Variants in SLC24A3 observed in about 807,000 individuals in gnomAD.
SLC24A3 encodes the protein sodium/potassium/calcium exchanger 3.
SLC24A3 carries 28 observed loss-of-function variants against 75.8 expected under a neutral mutation model. That is an observed-to-expected ratio of 0.37 (90% CI 0.27 to 0.51). The LOEUF (loss-of-function observed/expected upper bound fraction) is 0.51. Ranked by LOEUF, SLC24A3 falls within the 20% of genes least tolerant of loss-of-function variation. The probability of loss-of-function intolerance (pLI) is 0.94; values close to 1 mark genes in which losing one functional copy is unlikely to be tolerated. For missense variants in SLC24A3, 663 were observed against 847.8 expected, an observed-to-expected ratio of 0.78 and a Z score of 2.71; for synonymous variants, 372 against 334.1, an observed-to-expected ratio of 1.11 and a Z score of -1.24.
intron 12 of SLC24A3, among the ~76,000 whole-genome samples, chr20:19,689,646 A>G (rs2032722559): frequency 1.3e-5 from 2 of 152,248 alleles, no homozygotes; most frequent in Admixed American, 6.5e-5. Context: ...TTTTGACCCA[A>G]TGGTAATAGA....
At chr20:19,410,562 G>A (rs547609649) in intron 2 of SLC24A3, among the ~76,000 whole-genome samples, 11 of 152,134 alleles carry the variant, frequency 7.2e-5, no homozygotes, top group East Asian at 3.9e-4. Context: ...GAGGAAATAC[G>A]CCTCTTCATC....
chr20:19,435,839 G>T (rs991397422), intron 2 of SLC24A3, among the ~76,000 whole-genome samples: 2 of 152,178 alleles, frequency 1.3e-5, no homozygotes, highest in Non-Finnish European at 2.9e-5. Context: ...CTGCTGACTT[G>T]CCTACACCTC....
intron 6 of SLC24A3, among the ~76,000 whole-genome samples, chr20:19,643,520 G>C (rs2032099198): frequency 1.3e-5 from 2 of 152,158 alleles, no homozygotes; most frequent in Admixed American, 6.5e-5. Flanking sequence ...AATTTTTAGA[G>C]AGATGAGAGA....
At chr20:19,511,962 T>C (rs779452090) in intron 2 of SLC24A3, among the ~76,000 whole-genome samples, 7 of 152,194 alleles carry the variant, frequency 4.6e-5, no homozygotes, top group African/African-American at 1.4e-4. Flanking sequence ...GTCCTCTGCC[T>C]TGCCCACCCT....
At chr20:19,520,288 T>A (rs1268158263) in intron 3 of SLC24A3, among the ~76,000 whole-genome samples, 1 of 152,204 alleles carries the variant, frequency 6.6e-6, no homozygotes, top group East Asian at 1.9e-4. Flanking sequence ...CGCCCTGAGA[T>A]GTCCCATAGG....
At chr20:19,427,621 C>G (rs1288127109) in intron 2 of SLC24A3, among the ~76,000 whole-genome samples, 1 of 152,208 alleles carries the variant, frequency 6.6e-6, no homozygotes, top group African/African-American at 2.4e-5. Flanking sequence ...CTATCGGGAA[C>G]CCGGAGTCCA....
chr20:19,281,536 C>T (rs547854209), intron 2 of SLC24A3, among the ~76,000 whole-genome samples: 5 of 152,124 alleles, frequency 3.3e-5, no homozygotes, highest in South Asian at 2.1e-4. Flanking sequence ...TTGGAAGAGG[C>T]GAATATTAAT....
chr20:19,648,451 A>ATTATGTTT (rs2032163236), intron 6 of SLC24A3, among the ~76,000 whole-genome samples: 2 of 149,318 alleles, frequency 1.3e-5, no homozygotes, highest in African/African-American at 5.0e-5. Context: ...TTGCTTCAAC[A>ATTATGTTT]GTTTTTTTTT....
At chr20:19,331,234 G>T (rs1487699399) in intron 2 of SLC24A3, among the ~76,000 whole-genome samples, 3 of 152,200 alleles carry the variant, frequency 2.0e-5, no homozygotes, top group African/African-American at 7.2e-5. Context: ...GTGTGCTGTG[G>T]TCATGTTAGG....
chr20:19,341,725 C>T (rs543156544), intron 2 of SLC24A3, among the ~76,000 whole-genome samples: 6 of 152,172 alleles, frequency 3.9e-5, no homozygotes, highest in Admixed American at 6.5e-5. Context: ...ATCCTGTAGA[C>T]CCACAGAATA....
chr20:19,325,795 T>TATATATATATATAGAGAGAG, intron 2 of SLC24A3, among the ~76,000 whole-genome samples: 1 of 67,796 alleles, frequency 1.5e-5, no homozygotes, highest in South Asian at 6.3e-4. Flanking sequence ...TATATATATA[T>TATATATATATATAGAGAGAG]AGAGAGAGAG....
chr20:19,302,995 T>A (rs994772558), intron 2 of SLC24A3, among the ~76,000 whole-genome samples: 1 of 141,388 alleles, frequency 7.1e-6, no homozygotes, highest in Non-Finnish European at 1.6e-5. Flanking sequence ...ATGAACTTAG[T>A]GGCCTTTGTT....
intron 2 of SLC24A3, among the ~76,000 whole-genome samples, chr20:19,474,159 C>T (rs1987921928): frequency 6.6e-6 from 1 of 152,186 alleles, no homozygotes; most frequent in Admixed American, 6.5e-5. Context: ...GATTTGGTGT[C>T]AGCTACTTCT....
intron 2 of SLC24A3, among the ~76,000 whole-genome samples, chr20:19,425,061 T>C (rs1394674340): frequency 6.6e-6 from 1 of 152,134 alleles, no homozygotes; most frequent in Admixed American, 6.5e-5. Flanking sequence ...TCCCAGCACT[T>C]TGGGAGGCCG....
intron 3 of SLC24A3, among the ~76,000 whole-genome samples, chr20:19,545,956 G>A (rs987628576): frequency 6.6e-6 from 1 of 151,652 alleles, no homozygotes; most frequent in Admixed American, 6.6e-5. Context: ...TCAGGAGATC[G>A]AGACCATCTT....
chr20:19,401,353 C>T (rs887911261), intron 2 of SLC24A3, among the ~76,000 whole-genome samples: 21 of 152,176 alleles, frequency 1.4e-4, no homozygotes, highest in African/African-American at 4.8e-4. Context: ...ACAGAGGAAC[C>T]GATGAAAGAT....
chr20:19,636,096 T>C (rs2031999441), intron 6 of SLC24A3, among the ~76,000 whole-genome samples: 1 of 152,092 alleles, frequency 6.6e-6, no homozygotes, highest in African/African-American at 2.4e-5. Flanking sequence ...GCCAAGATCG[T>C]GCCACTGCAC....
intron 8 of SLC24A3, among the ~76,000 whole-genome samples, chr20:19,672,058 C>A (rs1290853173): frequency 2.0e-5 from 3 of 152,094 alleles, no homozygotes; most frequent in African/African-American, 7.2e-5. Flanking sequence ...GGATGATGGA[C>A]AACCACCCAC....
chr20:19,398,164 C>A (rs1162810433), intron 2 of SLC24A3, among the ~76,000 whole-genome samples: 1 of 151,878 alleles, frequency 6.6e-6, no homozygotes, highest in Non-Finnish European at 1.5e-5. Flanking sequence ...ATTGATATAC[C>A]TTTATTACTT....
Sources: allele counts gnomAD v4.1 joint callset (sites outside exome capture counted in the v4.1 genomes callset), GRCh38; gene constraint gnomAD v4.1.1; transcripts MANE v1.5; gene names NCBI Gene and HGNC (gene_info 2026-07-23, HGNC 2026-07-21).